The following ZFHX4 variants were observed in gnomAD, a reference collection of about 807,000 sequenced individuals.
ZFHX4 encodes the protein zinc finger homeobox 4.
Under a neutral mutation model 267.6 loss-of-function variants are expected in ZFHX4, and 56 were observed. The observed-to-expected ratio is 0.21, with a 90% CI of 0.17 to 0.26. The LOEUF (loss-of-function observed/expected upper bound fraction) is 0.26. Among genes scored for constraint, ZFHX4 ranks in the 10% least tolerant of loss-of-function variants. The pLI, the probability that ZFHX4 is intolerant of heterozygous loss-of-function variation, is 1.00. For synonymous variants in ZFHX4, 1,778 were observed against 1,665.6 expected (o/e 1.07, Z -1.64); for missense variants, 4,332 against 4,420.0 (o/e 0.98, Z 0.56).
At chr8:76,842,529 C>G in intron 5 of ZFHX4, 126 bp from the exon 6 acceptor site, 1 of 638,218 alleles carries the variant, frequency 1.6e-6, no homozygotes, top group South Asian at 2.0e-5. Context: ...TTTGTGTTCT[C>G]ATTTGAGTAT....
intron 3 of ZFHX4, among the ~76,000 whole-genome samples, chr8:76,777,187 G>T (rs1454562895): frequency 6.6e-6 from 1 of 152,048 alleles, no homozygotes; most frequent in Non-Finnish European, 1.5e-5. Flanking sequence ...GAATTTTCTT[G>T]TTTGTATGGA....
chr8:76,716,930 C>A (rs573700861), intron 3 of ZFHX4, among the ~76,000 whole-genome samples: 4 of 152,140 alleles, frequency 2.6e-5, no homozygotes, highest in Non-Finnish European at 5.9e-5. Context: ...AAGTTAAGCA[C>A]CTTTGGAAGC....
In ZFHX4 at chr8:76,706,660, G is replaced by T. The variant is rs567240940; in HGVS notation, c.2572G>T (p.Ala858Ser). 3.1e-5 allele frequency: 50 copies of T among 1,590,028 alleles called. No homozygotes were observed. The South Asian group carries it at 5.4e-4, about 17-fold the overall frequency. The change falls in exon 2 of 11, where the codon GCT becomes TCT. Residue 858 changes from alanine (A) to serine (S), a missense_variant. Transcript: ENST00000651372. ...CCAGCTGGATCCAGCGACAGCAGCG[G>T]CTTTGGCACCAGGGCTCGGTTAGTA... ...PFQLDPATAA[A>S]LAPGLVNNEL...
In ZFHX4 at chr8:76,864,613, A is replaced by G; in HGVS notation, c.*48A>G. 1 of 145,994 alleles carries G rather than the reference A, an allele frequency of 6.8e-6. No homozygotes were observed. Among genetic ancestry groups the G allele is most frequent in the Non-Finnish European group, 9.6e-6 (1 of 104,378 alleles). The allele number at this position is 145,994 out of a possible 1,614,324, so 9.0% of individuals were successfully genotyped here. On this transcript the variant is annotated 3_prime_UTR_variant, in exon 11 of 11. Transcript: ENST00000651372. The stretch of plus-strand genomic sequence containing the variant: ...TTAAAAAAATAAAAAATAAAAAAAT[A>G]AAAAAAAAATAAGACTTTAACTGCA...
intron 1 of ZFHX4, chr8:76,683,652 G>A: frequency 7.9e-6 from 1 of 126,654 alleles, no homozygotes; most frequent in South Asian, 2.3e-4. Context: ...GGGGGGGAGA[G>A]AGGGAGAGAG....
chr8:76,855,694 G>A lies in ZFHX4; in HGVS notation c.8773G>A (p.Asp2925Asn), dbSNP rs1812702433. 3 of 1,613,726 alleles carry A rather than the reference G, an allele frequency of 1.9e-6. No homozygotes were observed. Among genetic ancestry groups the A allele is most frequent in the Non-Finnish European group, 2.5e-6 (3 of 1,179,864 alleles). Residue 2925 changes from aspartate (D) to asparagine (N), a missense_variant, in exon 10 of 11, where the codon GAT (aspartate) becomes AAT (asparagine). Transcript: ENST00000651372. ...SSNPFKSKSN[D>N]RPGHKRFRTQ... ...CAATCCCTTTAAATCCAAAAGTAAT[G>A]ATCGGCCGGGTCACAAGCGTTTTCG...
chr8:76,683,480 A>T (rs1379043532), intron 1 of ZFHX4, among the ~76,000 whole-genome samples: 2 of 151,534 alleles, frequency 1.3e-5, no homozygotes, highest in Non-Finnish European at 2.9e-5. Context: ...TGACTCAGAC[A>T]GAGGCAGGTT....
chr8:76,782,100 ATTTT>A (rs77420241), intron 4 of ZFHX4: 5,089 of 235,188 alleles, frequency 0.022, 2 homozygotes, highest in East Asian at 0.045. Flanking sequence ...TCAGTTAAGA[ATTTT>A]TTTTTTTTTT....
intron 3 of ZFHX4, among the ~76,000 whole-genome samples, chr8:76,775,648 T>C (rs1810381758): frequency 6.6e-6 from 1 of 152,170 alleles, no homozygotes; most frequent in South Asian, 2.1e-4. Context: ...AGCCTTTTCT[T>C]TTAACCGGCT....
Position 76,854,386 on chromosome 8 carries a change from C to G in ZFHX4, c.7465C>G (p.Gln2489Glu). ...MTSLQNSLPP[Q>E]LLQYQCDQCT... ...GTCTCTCCAGAACAGTCTACCTCCA[C>G]AGTTACTACAATACCAATGTGATCA... Residue 2489 changes from glutamine (Q) to glutamate (E), a missense_variant, in exon 10 of 11, where the codon CAG (glutamine) becomes GAG (glutamate). Physicochemically the swap from Gln to Glu is conservative, Grantham distance 29 (BLOSUM62 2). Coordinates refer to ENST00000651372, the MANE Select transcript of ZFHX4 (RefSeq NM_024721.5). 6.2e-7 allele frequency: 1 copy of G among 1,613,992 alleles called. No homozygotes were observed. Among genetic ancestry groups the G allele is most frequent in the Non-Finnish European group, 8.5e-7 (1 of 1,179,872 alleles).
intron 4 of ZFHX4, among the ~76,000 whole-genome samples, chr8:76,787,477 A>G (rs1344830705): frequency 6.6e-6 from 1 of 152,010 alleles, no homozygotes; most frequent in Non-Finnish European, 1.5e-5. Flanking sequence ...GCTGAGATGC[A>G]TGGTACTTGT....
intron 3 of ZFHX4, among the ~76,000 whole-genome samples, chr8:76,773,956 C>T (rs1393982961): frequency 6.6e-6 from 1 of 152,072 alleles, no homozygotes; most frequent in African/African-American, 2.4e-5. Context: ...ATCAGCTATT[C>T]TGTGAAACTA....
intron 3 of ZFHX4, among the ~76,000 whole-genome samples, chr8:76,757,388 T>C (rs529078787): frequency 2.0e-5 from 3 of 152,178 alleles, no homozygotes; most frequent in Admixed American, 6.5e-5. Context: ...TAGTAACACA[T>C]TGTTTGAGAG....
In ZFHX4 at chr8:76,854,423, C is replaced by T. The variant is rs541037926; in HGVS notation, c.7502C>T (p.Ala2501Val). The change falls in exon 10 of 11, where the codon GCC becomes GTC. Residue 2501 changes from alanine (A) to valine (V), a missense_variant. Coordinates refer to ENST00000651372, the MANE Select transcript of ZFHX4 (RefSeq NM_024721.5). ...TACCAATGTGATCAGTGTACAGTTG[C>T]CTTCCCAACTCTGGAACTCTGGCAG... ...LQYQCDQCTVAFPTLELWQEH... is the reference protein window; with the variant it reads ...LQYQCDQCTVVFPTLELWQEH... 5 of 1,614,016 alleles carry T rather than the reference C, an allele frequency of 3.1e-6. No homozygotes were observed. In the Admixed American group the frequency reaches 5.0e-5, roughly 16 times the overall value.
At position 76,863,866 on chromosome 8, in the gene ZFHX4, A is replaced by G; in HGVS notation, c.10152A>G (p.Glu3384=). The G allele has an allele frequency of 6.4e-7, 1 of 1,559,460 alleles. No individual in the cohort carries two copies. Among genetic ancestry groups the G allele is most frequent in the South Asian group, 1.2e-5 (1 of 84,782 alleles). Residue 3384 remains glutamate (E), a synonymous_variant, in exon 11 of 11, where the codon GAA becomes GAG. Coordinates refer to ENST00000651372, the MANE Select transcript of ZFHX4 (RefSeq NM_024721.5). The stretch of plus-strand genomic sequence containing the variant: ...GCACAAAAGAAGAACCCCAGTTAGA[A>G]TCCAAAAGTGCAGACTTTTCAGACA... ...TESTKEEPQL[E]SKSADFSDTY...
At chr8:76,697,557 C>T (rs182347414) in intron 1 of ZFHX4, among the ~76,000 whole-genome samples, 60 of 151,890 alleles carry the variant, frequency 4.0e-4, no homozygotes, top group African/African-American at 1.4e-3. Flanking sequence ...ATGATCGATG[C>T]GGTTCATGTT....
chr8:76,855,505 G>T lies in ZFHX4; in HGVS notation c.8584G>T (p.Asp2862Tyr). 1 of 1,613,806 alleles carries T rather than the reference G, an allele frequency of 6.2e-7. No homozygotes were observed. Among genetic ancestry groups the T allele is most frequent in the Non-Finnish European group, 8.5e-7 (1 of 1,179,872 alleles). The stretch of plus-strand genomic sequence containing the variant: ...CACACCTACCACGGAGGTCTGCGAT[G>T]ACAAATTTCTCTTTTCTCTCACAAG... ...ATTPTTEVCDDKFLFSLTSPS... is the reference protein window; with the variant it reads ...ATTPTTEVCDYKFLFSLTSPS... The change falls in exon 10 of 11, where the codon GAC (aspartate) becomes TAC (tyrosine). Residue 2862 changes from aspartate to tyrosine, a missense_variant. Asp to Tyr is a radical substitution (Grantham distance 160, BLOSUM62 -3). This residue lies in a region of ZFHX4 where 1,648 missense variants were observed against 1,625.0 expected (regional missense o/e 1.01). Transcript: ENST00000651372.
chr8:76,692,490 T>G (rs1807849344), intron 1 of ZFHX4, among the ~76,000 whole-genome samples: 1 of 152,110 alleles, frequency 6.6e-6, no homozygotes, highest in African/African-American at 2.4e-5. Flanking sequence ...TCAATAACAT[T>G]ATGAAACCTT....
Position 76,785,795 on chromosome 8 carries a change from T to G in ZFHX4, c.3325+7356T>G, listed in dbSNP as rs539341984. Among the ~76,000 whole-genome samples, 10 of 152,282 alleles carry G rather than the reference T, an allele frequency of 6.6e-5. No individual in the cohort carries two copies. In the South Asian group the frequency reaches 2.1e-3, roughly 32 times the overall value. Reference sequence around the variant, plus strand: ...AAAGAATTTAGATTAAGGTGGCACATTTTTCTCAATTACGTAGATAGTTCG... The same window carrying G: ...AAAGAATTTAGATTAAGGTGGCACAGTTTTCTCAATTACGTAGATAGTTCG... On this transcript the variant is annotated intron_variant, in intron 4 of 10. Transcript: ENST00000651372.
Sources: gnomAD v4.1 joint callset for allele counts (sites outside exome capture counted in the v4.1 genomes callset) on GRCh38, gnomAD v4.1.1 for gene constraint, gnomAD v4.1.1 regional missense constraint, MANE v1.5 for transcripts, NCBI Gene and HGNC (gene_info 2026-07-23, HGNC 2026-07-21) for gene names.